Variants in CLIP4 observed in about 807,000 individuals in gnomAD.
CLIP4 encodes CAP-Gly domain containing linker protein family member 4.
In CLIP4, 47 loss-of-function variants were observed where a neutral mutation model predicts 73.1. That is an observed-to-expected ratio of 0.64 (90% CI 0.51 to 0.82). The LOEUF (loss-of-function observed/expected upper bound fraction) is 0.82, where lower values mean the gene tolerates loss of function less well. Ranked by LOEUF, CLIP4 falls within the 40% of genes least tolerant of loss-of-function variation. The pLI is 0.00. For synonymous variants in CLIP4, 306 were observed against 295.4 expected (o/e 1.04, Z -0.37); for missense variants, 874 against 852.9 (o/e 1.02, Z -0.31).
At chr2:29,130,740 A>G in intron 2 of CLIP4, 1 of 1,253,314 alleles carries the variant, frequency 8.0e-7, no homozygotes, top group Non-Finnish European at 1.0e-6. Context: ...GGTGCCTCTC[A>G]TCTTTTAGTT....
intron 11 of CLIP4, 195 bp downstream of exon 11, chr2:29,157,542 G>C (rs1222517049): frequency 1.3e-5 from 10 of 749,790 alleles, no homozygotes; most frequent in Non-Finnish European, 2.1e-5. Flanking sequence ...ATAAGACTTT[G>C]CATTTATTTT....
intron 1 of CLIP4, among the ~76,000 whole-genome samples, chr2:29,107,092 T>G (rs1668228826): frequency 1.3e-5 from 2 of 152,118 alleles, no homozygotes; most frequent in African/African-American, 4.8e-5. Flanking sequence ...TTTGATCCAT[T>G]GTTGACAAGG....
At chr2:29,112,347 A>T (rs1378707270), upstream of CLIP4, among the ~76,000 whole-genome samples, 1 of 152,232 alleles carries the variant, frequency 6.6e-6, no homozygotes, top group Non-Finnish European at 1.5e-5. Context: ...GGATACTTTT[A>T]CAATGTAAAG....
intron 14 of CLIP4, among the ~76,000 whole-genome samples, 161 bp from the exon 15 acceptor site, chr2:29,174,212 A>G (rs1668187753): frequency 6.6e-6 from 1 of 152,168 alleles, no homozygotes; most frequent in Non-Finnish European, 1.5e-5. Context: ...TAGGCCTCCC[A>G]AAGTGCTGGG....
chr2:29,170,493 G>T (rs1456365197), intron 14 of CLIP4, among the ~76,000 whole-genome samples: 1 of 152,026 alleles, frequency 6.6e-6, no homozygotes, highest in Non-Finnish European at 1.5e-5. Context: ...TGTATATTTT[G>T]AATACCAAAC....
At chr2:29,133,597 C>T (rs1665133321) in intron 4 of CLIP4, 58 bp from the exon 5 acceptor site, 1 of 1,511,092 alleles carries the variant, frequency 6.6e-7, no homozygotes, top group Non-Finnish European at 8.9e-7. Context: ...AATTGGTAGC[C>T]ATCCATTGGA....
In CLIP4 at chr2:29,182,891, A is replaced by C. The variant is rs1250163705; in HGVS notation, c.*998A>C. The C allele has an allele frequency of 1.3e-5, 2 of 152,656 alleles. No individual in the cohort carries two copies. Among genetic ancestry groups the C allele is most frequent in the Non-Finnish European group, 2.9e-5 (2 of 68,048 alleles). The allele number at this position is 152,656 out of a possible 1,614,324, so 9.5% of individuals were successfully genotyped here. A position where few individuals can be genotyped will look rare whatever the true frequency, so the allele number is the denominator to read the frequency against. ...CGTATTTAACAGAAGAGAGCAAATA[A>C]AGATATATCAGGAAGGATGTATTAG... On this transcript the variant is annotated 3_prime_UTR_variant, in exon 16 of 16. Coordinates refer to ENST00000320081, the MANE Select transcript of CLIP4 (RefSeq NM_024692.6).
intron 5 of CLIP4, among the ~76,000 whole-genome samples, chr2:29,134,247 GT>G (rs562750882): frequency 1.3e-5 from 2 of 151,936 alleles, no homozygotes; most frequent in South Asian, 2.1e-4. Context: ...TAATATTTCA[GT>G]TTTTTTTCCC....
At chr2:29,161,423 TA>T (rs568888856) in intron 12 of CLIP4, among the ~76,000 whole-genome samples, 683 of 145,106 alleles carry the variant, frequency 4.7e-3, no homozygotes, top group African/African-American at 6.4e-3. Flanking sequence ...GAACATTGAT[TA>T]AAAAAAAAAA....
Position 29,156,404 on chromosome 2 carries a change from C to T in CLIP4, c.1216C>T (p.Pro406Ser), listed in dbSNP as rs184648924. ...DSASESTLSLPPGEELKTVTE... is the reference protein window; with the variant it reads ...DSASESTLSLSPGEELKTVTE... ...TGCTTCTGAGTCAACACTTTCATTGCCTCCTGGTGAAGAACTTAAAACTGT... is the reference window on the plus strand; with the variant it reads ...TGCTTCTGAGTCAACACTTTCATTGTCTCCTGGTGAAGAACTTAAAACTGT... The change falls in exon 10 of 16, where the codon CCT (proline) becomes TCT (serine). Residue 406 changes from proline (P) to serine (S), a missense_variant. Pro to Ser is a moderately conservative substitution (Grantham distance 74, BLOSUM62 -1). Coordinates refer to ENST00000320081, the MANE Select transcript of CLIP4 (RefSeq NM_024692.6). The T allele has an allele frequency of 1.3e-6, 2 of 1,588,116 alleles. No homozygotes were observed. The highest frequency in any genetic ancestry group is 1.7e-6 in the Non-Finnish European group (2 of 1,173,404).
chr2:29,117,750 T>C (rs982940338), intron 1 of CLIP4, among the ~76,000 whole-genome samples: 1 of 152,214 alleles, frequency 6.6e-6, no homozygotes, highest in Non-Finnish European at 1.5e-5. Context: ...TGTGCTTTCA[T>C]AGGACTCAGC....
Position 29,183,602 on chromosome 2 carries a change from TA to T in CLIP4, c.*1711del, listed in dbSNP as rs1336370275. The T allele has an allele frequency of 1.3e-5, 2 of 152,672 alleles. No homozygotes were observed. The highest frequency in any genetic ancestry group is 4.8e-5 in the African/African-American group (2 of 41,478). 9.5% of individuals were successfully genotyped at this position (152,672 alleles called of 1,614,324 possible). A position where few individuals can be genotyped will look rare whatever the true frequency, so the allele number is the denominator to read the frequency against. ...ATAAAACACTGTAAGTTAAAAACAG[TA>T]ATGCCAACATTGAATTTATTTTTGA... On this transcript the variant is annotated 3_prime_UTR_variant, in exon 16 of 16. Transcript: ENST00000320081.
At position 29,133,758 on chromosome 2, in the gene CLIP4, T is replaced by C; in HGVS notation, c.471T>C (p.Ala157=). The change falls in exon 5 of 16, where the codon GCT becomes GCC. Residue 157 remains alanine, a synonymous_variant. Transcript: ENST00000320081. ...RWTNMNALHY[A]AYFDVPELIR... is the part of the protein sequence containing the mutation. Reference sequence around the variant, plus strand: ...CAAACATGAATGCTTTGCATTATGCTGCTTATTTTGATGTCCCTGAACTTA... The same window carrying C: ...CAAACATGAATGCTTTGCATTATGCCGCTTATTTTGATGTCCCTGAACTTA... 1 of 1,613,380 alleles carries C rather than the reference T, an allele frequency of 6.2e-7. No homozygotes were observed. Among genetic ancestry groups the C allele is most frequent in the Non-Finnish European group, 8.5e-7 (1 of 1,179,760 alleles).
At chr2:29,151,521 A>C (rs1044041853) in intron 8 of CLIP4, among the ~76,000 whole-genome samples, 4 of 109,468 alleles carry the variant, frequency 3.7e-5, no homozygotes, top group African/African-American at 1.4e-4. Flanking sequence ...AGAACATTGT[A>C]AATAAGTTTA....
In CLIP4 at chr2:29,143,363, A is replaced by C. The variant is rs112255753; in HGVS notation, c.649-346A>C. 3.8e-3 allele frequency among the ~76,000 whole-genome samples: 566 copies of C among 148,072 alleles called. 4 individuals are homozygous for C. Among genetic ancestry groups the C allele is most frequent in the African/African-American group, 0.013 (511 of 40,368 alleles). Reference sequence around the variant, plus strand: ...CTTAATCTAAAGAGTTTCCCCTACAACCATCTCTGTCTCCACATTTCCTAT... The same window carrying C: ...CTTAATCTAAAGAGTTTCCCCTACACCCATCTCTGTCTCCACATTTCCTAT... On this transcript the variant is annotated intron_variant, in intron 6 of 15. Coordinates refer to ENST00000320081, the MANE Select transcript of CLIP4 (RefSeq NM_024692.6).
At chr2:29,148,464 T>G (rs185514990) in intron 8 of CLIP4, among the ~76,000 whole-genome samples, 21 of 152,338 alleles carry the variant, frequency 1.4e-4, no homozygotes, top group African/African-American at 4.6e-4. Context: ...CTTGGTGGTA[T>G]TACTGTTTTT....
At chr2:29,150,898 A>G (rs3100235) in intron 8 of CLIP4, among the ~76,000 whole-genome samples, 76,535 of 151,340 alleles carry the variant, frequency 0.51, 20,130 homozygotes, top group Non-Finnish European at 0.55. Context: ...GGGATTACAG[A>G]TGTGAGCCAC....
intron 1 of CLIP4, among the ~76,000 whole-genome samples, chr2:29,102,647 A>C (rs1668084036): frequency 6.7e-6 from 1 of 149,982 alleles, no homozygotes; most frequent in Admixed American, 6.6e-5. Context: ...TTTTTTTGAG[A>C]CAGAGTCTCA....
At chr2:29,101,165 C>T (rs1295553448) in intron 1 of CLIP4, among the ~76,000 whole-genome samples, 1 of 151,982 alleles carries the variant, frequency 6.6e-6, no homozygotes, top group African/African-American at 2.4e-5. Flanking sequence ...TGGTGCATGC[C>T]TGTAATCCCA....
Sources: gnomAD v4.1 joint callset for allele counts (sites outside exome capture counted in the v4.1 genomes callset) on GRCh38, gnomAD v4.1.1 for gene constraint, MANE v1.5 for transcripts, NCBI Gene and HGNC (gene_info 2026-07-23, HGNC 2026-07-21) for gene names.